The following SGCZ variants were observed in gnomAD, a reference collection of about 807,000 sequenced individuals.
SGCZ encodes sarcoglycan zeta.
Under a neutral mutation model 41.3 loss-of-function variants are expected in SGCZ, and 40 were observed. The observed-to-expected ratio is 0.97, with a 90% CI of 0.75 to 1.26. The LOEUF (loss-of-function observed/expected upper bound fraction) is 1.26. SGCZ is among the 50% of genes most tolerant of loss of function. The pLI is 0.00. For missense variants in SGCZ, 552 were observed against 369.8 expected (o/e 1.49, Z -4.04); for synonymous variants, 206 against 137.5 (o/e 1.50, Z -3.49).
At chr8:15,122,727 A>G (rs1206810796) in intron 1 of SGCZ, among the ~76,000 whole-genome samples, 2 of 152,190 alleles carry the variant, frequency 1.3e-5, no homozygotes, top group Admixed American at 1.3e-4. Context: ...TTTTTATACT[A>G]CTAAAAAAAT....
intron 1 of SGCZ, among the ~76,000 whole-genome samples, chr8:14,574,232 C>T (rs1443244003): frequency 6.6e-6 from 1 of 152,138 alleles, no homozygotes; most frequent in Admixed American, 6.5e-5. Flanking sequence ...AAACGAAGGC[C>T]TCTGCAGCAG....
At chr8:14,668,858 C>A (rs1396726614) in intron 1 of SGCZ, among the ~76,000 whole-genome samples, 1 of 152,042 alleles carries the variant, frequency 6.6e-6, no homozygotes, top group Non-Finnish European at 1.5e-5. Context: ...TATCCTTATA[C>A]ATGGTGAAAT....
chr8:14,303,026 T>G (rs1359728233), intron 3 of SGCZ, among the ~76,000 whole-genome samples: 1 of 152,206 alleles, frequency 6.6e-6, no homozygotes, highest in Non-Finnish European at 1.5e-5. Context: ...TGCTTCTCTC[T>G]GTGTGACTGA....
At chr8:15,054,974 A>T (rs940252573) in intron 1 of SGCZ, among the ~76,000 whole-genome samples, 8 of 151,992 alleles carry the variant, frequency 5.3e-5, no homozygotes, top group Admixed American at 1.3e-4. Flanking sequence ...AAAAAAAAAA[A>T]AAATAAGACT....
At chr8:15,159,919 G>C (rs955686285) in intron 1 of SGCZ, among the ~76,000 whole-genome samples, 1 of 151,640 alleles carries the variant, frequency 6.6e-6, no homozygotes, top group Non-Finnish European at 1.5e-5. Flanking sequence ...GTGCCAATAG[G>C]CACTTAGGGG....
chr8:15,016,672 T>C (rs1167842017), intron 1 of SGCZ, among the ~76,000 whole-genome samples: 1 of 152,156 alleles, frequency 6.6e-6, no homozygotes, highest in African/African-American at 2.4e-5. Flanking sequence ...ATTATTTACA[T>C]AAGTAATGTG....
chr8:14,191,574 C>T (rs192130463), intron 4 of SGCZ, among the ~76,000 whole-genome samples: 1 of 152,170 alleles, frequency 6.6e-6, no homozygotes, highest in Non-Finnish European at 1.5e-5. Flanking sequence ...TACAAAACAC[C>T]TCAACTTACA....
chr8:14,194,278 T>C lies in SGCZ; in HGVS notation c.425-29576A>G, dbSNP rs78286685. ...TCTGGATTGATCAAAACATGAATGT[T>C]TGGAATACTGTAGTTTATTCTGGGT... On this transcript the variant is annotated intron_variant, in intron 4 of 7. Coordinates refer to ENST00000382080, the MANE Select transcript of SGCZ (RefSeq NM_139167.4). Among the ~76,000 whole-genome samples, 71 of 152,042 alleles carry C rather than the reference T, an allele frequency of 4.7e-4. 4 individuals carry two copies. In the East Asian group the frequency reaches 0.012, roughly 26 times the overall value.
chr8:15,076,319 A>T (rs938738819), intron 1 of SGCZ, among the ~76,000 whole-genome samples: 11 of 152,184 alleles, frequency 7.2e-5, no homozygotes, highest in African/African-American at 2.7e-4. Context: ...ATGGGTAAAC[A>T]CAGAGGCTAC....
At chr8:14,397,438 T>C (rs948097342) in intron 2 of SGCZ, among the ~76,000 whole-genome samples, 1 of 152,136 alleles carries the variant, frequency 6.6e-6, no homozygotes, top group East Asian at 1.9e-4. Flanking sequence ...TTTCTTTTTT[T>C]CTATTTTGTG....
chr8:15,213,881 C>A (rs1304001846), intron 1 of SGCZ, among the ~76,000 whole-genome samples: 2 of 151,950 alleles, frequency 1.3e-5, no homozygotes, highest in Non-Finnish European at 2.9e-5. Flanking sequence ...TTTTAAAAAA[C>A]CACAATTCTA....
chr8:14,158,770 CTA>C (rs1393761074), intron 5 of SGCZ, among the ~76,000 whole-genome samples: 1 of 152,148 alleles, frequency 6.6e-6, no homozygotes, highest in African/African-American at 2.4e-5. Flanking sequence ...ATATAGTTTT[CTA>C]TGTTTGCTTG....
chr8:15,097,760 A>G (rs4520163), intron 1 of SGCZ, among the ~76,000 whole-genome samples: 13,198 of 44,896 alleles, frequency 0.29, 1,163 homozygotes, highest in African/African-American at 0.4. Context: ...ACACGTATAT[A>G]TGTGTTTATA....
intron 1 of SGCZ, among the ~76,000 whole-genome samples, chr8:15,054,282 T>C (rs926787730): frequency 2.0e-5 from 3 of 152,224 alleles, no homozygotes; most frequent in Non-Finnish European, 4.4e-5. Flanking sequence ...TCCCTTCTGA[T>C]GTTAATTCAT....
intron 5 of SGCZ, among the ~76,000 whole-genome samples, chr8:14,129,034 G>A (rs990771947): frequency 2.6e-5 from 4 of 151,922 alleles, no homozygotes; most frequent in African/African-American, 9.7e-5. Context: ...TCACCAATAT[G>A]CAACACAGTC....
chr8:14,739,332 C>A (rs1159055495), intron 1 of SGCZ, among the ~76,000 whole-genome samples: 2 of 151,902 alleles, frequency 1.3e-5, no homozygotes, highest in African/African-American at 4.8e-5. Context: ...TTAAATAATT[C>A]ACTGCATTTA....
chr8:14,417,093 T>C (rs1157366261), intron 2 of SGCZ, among the ~76,000 whole-genome samples: 2 of 151,934 alleles, frequency 1.3e-5, no homozygotes, highest in East Asian at 1.9e-4. Context: ...AGGGACGTTA[T>C]TCTATGCTCA....
chr8:15,051,955 G>A (rs903591347), intron 1 of SGCZ, among the ~76,000 whole-genome samples: 1 of 152,076 alleles, frequency 6.6e-6, no homozygotes, highest in African/African-American at 2.4e-5. Flanking sequence ...AAAAGAGGAA[G>A]AACTAATGAG....
chr8:14,170,543 G>A (rs1454134021), intron 4 of SGCZ, among the ~76,000 whole-genome samples: 1 of 152,062 alleles, frequency 6.6e-6, no homozygotes, highest in Non-Finnish European at 1.5e-5. Context: ...AGGTAAAAAT[G>A]ATCTCTCTAT....
Sources: gnomAD v4.1 joint callset for allele counts (sites outside exome capture counted in the v4.1 genomes callset) on GRCh38, gnomAD v4.1.1 for gene constraint, MANE v1.5 for transcripts, NCBI Gene and HGNC (gene_info 2026-07-23, HGNC 2026-07-21) for gene names.